The following COL25A1 variants were observed in gnomAD, a reference collection of about 807,000 sequenced individuals.
COL25A1 encodes the protein collagen type XXV alpha 1 chain, also known as collagen alpha-1(XXV) chain.
Under a neutral mutation model 128.4 loss-of-function variants are expected in COL25A1, and 103 were observed. The ratio of observed to expected loss-of-function variants is 0.80; its 90% CI spans 0.68 to 0.94. The LOEUF (loss-of-function observed/expected upper bound fraction) is 0.94. COL25A1 is among the 40% of genes least tolerant of loss of function. COL25A1 has a pLI of 0.00. For synonymous variants in COL25A1, 279 were observed against 277.2 expected (o/e 1.01, Z -0.06); for missense variants, 745 against 840.0 (o/e 0.89, Z 1.40).
chr4:109,169,623 GC>G, intron 3 of COL25A1, among the ~76,000 whole-genome samples: 1 of 152,210 alleles, frequency 6.6e-6, no homozygotes, highest in East Asian at 1.9e-4. Context: ...CTCTACTGCA[GC>G]CCTAGAAATT....
intron 3 of COL25A1, among the ~76,000 whole-genome samples, chr4:109,145,752 A>T (rs1209804803): frequency 6.6e-6 from 1 of 152,218 alleles, no homozygotes; most frequent in Non-Finnish European, 1.5e-5. Context: ...GAAGCAGGAG[A>T]ATCACTTGAA....
At chr4:108,932,147 T>G (rs1169899216) in intron 11 of COL25A1, among the ~76,000 whole-genome samples, 4 of 152,166 alleles carry the variant, frequency 2.6e-5, no homozygotes, top group East Asian at 1.9e-4. Flanking sequence ...CTGATCAAGA[T>G]AGCAGGCAGA....
chr4:109,197,195 G>A (rs568590359), intron 3 of COL25A1, among the ~76,000 whole-genome samples: 51 of 149,786 alleles, frequency 3.4e-4, no homozygotes, highest in South Asian at 1.3e-3. Context: ...GTGTGGCGGT[G>A]CATGCCTCTA....
At chr4:109,071,246 G>A (rs1762947709) in intron 3 of COL25A1, among the ~76,000 whole-genome samples, 1 of 152,160 alleles carries the variant, frequency 6.6e-6, no homozygotes, top group Admixed American at 6.5e-5. Flanking sequence ...CTAGCCATAT[G>A]GAGAAAGCTG....
intron 3 of COL25A1, among the ~76,000 whole-genome samples, chr4:109,242,995 TA>T (rs1780003328): frequency 6.6e-6 from 1 of 152,132 alleles, no homozygotes; most frequent in African/African-American, 2.4e-5. Flanking sequence ...CTGGACATTA[TA>T]TCTCCAGACT....
In COL25A1 at chr4:109,127,792, C is replaced by A. The variant is rs140983986; in HGVS notation, c.368-77613G>T. On this transcript the variant is annotated intron_variant, in intron 3 of 37. Transcript: ENST00000399132. ...TGAGACAACGAACCTCGGGTAGTTA[C>A]CCCAGACAAGGACGCTGCTTTGCGA... Among the ~76,000 whole-genome samples, 174 of 152,212 alleles carry A rather than the reference C, an allele frequency of 1.1e-3. 1 individual carries two copies. The highest frequency in any genetic ancestry group is 4.1e-3 in the African/African-American group (170 of 41,540).
rs1747019226 is a variant in COL25A1, at chr4:108,933,582, C to A, written c.708+4226G>T. ...TCAACTATTCTTAGCCCTTACATTT[C>A]TTAGAGCAGCCTTTCTGTATGCCAA... On this transcript the variant is annotated intron_variant, in intron 11 of 37. Transcript: ENST00000399132. 1.3e-5 allele frequency among the ~76,000 whole-genome samples: 2 copies of A among 152,104 alleles called. 1 individual carries two copies. The highest frequency in any genetic ancestry group is 4.2e-4 in the South Asian group (2 of 4,814).
At chr4:108,874,936 T>C (rs1002054046) in intron 19 of COL25A1, among the ~76,000 whole-genome samples, 2 of 152,172 alleles carry the variant, frequency 1.3e-5, no homozygotes, top group African/African-American at 4.8e-5. Context: ...TATTCCACAT[T>C]CTCCATCTCT....
chr4:109,288,684 T>C (rs894474394), intron 3 of COL25A1, among the ~76,000 whole-genome samples: 2 of 152,070 alleles, frequency 1.3e-5, no homozygotes, highest in African/African-American at 4.8e-5. Flanking sequence ...AAGCAGTGTC[T>C]TCCAAAGTGG....
Position 108,942,279 on chromosome 4 carries a change from A to G in COL25A1, c.493-842T>C, listed in dbSNP as rs945295111. ...GAAGCCTGGCAGGCCCTATGGACAT[A>G]GCACAGCACCAAAACAACACGACAT... On this transcript the variant is annotated intron_variant, in intron 8 of 37. Transcript: ENST00000399132. 3.2e-6 allele frequency: 5 copies of G among 1,549,946 alleles called. No individual in the cohort carries two copies. In the East Asian group the frequency reaches 7.3e-5, roughly 23 times the overall value.
intron 3 of COL25A1, among the ~76,000 whole-genome samples, chr4:109,170,767 TCATC>T (rs1773511513): frequency 6.6e-6 from 1 of 152,148 alleles, no homozygotes; most frequent in South Asian, 2.1e-4. Context: ...AGCTTAGGTG[TCATC>T]CAAAGTTTTT....
intron 3 of COL25A1, among the ~76,000 whole-genome samples, chr4:109,219,715 A>G (rs1416890884): frequency 6.6e-6 from 1 of 152,202 alleles, no homozygotes; most frequent in African/African-American, 2.4e-5. Context: ...TTGTTGACTA[A>G]TGCCTGAAGG....
intron 5 of COL25A1, among the ~76,000 whole-genome samples, chr4:109,011,418 T>C (rs778839050): frequency 8.6e-6 from 1 of 115,792 alleles, no homozygotes; most frequent in Non-Finnish European, 1.6e-5. Flanking sequence ...TGCCTGAAAA[T>C]GTAGTTGGCA....
chr4:109,074,153 T>C (rs946480956), intron 3 of COL25A1, among the ~76,000 whole-genome samples: 3 of 152,092 alleles, frequency 2.0e-5, no homozygotes, highest in African/African-American at 7.2e-5. Flanking sequence ...GGATTCCCGC[T>C]CCTATAAGAA....
intron 3 of COL25A1, among the ~76,000 whole-genome samples, chr4:109,114,926 A>G (rs1444023833): frequency 6.6e-6 from 1 of 152,122 alleles, no homozygotes; most frequent in East Asian, 1.9e-4. Flanking sequence ...GAACAGCTTC[A>G]ATAAAGTATT....
At chr4:108,936,825 T>TATATATATATA (rs1553973426) in intron 11 of COL25A1, among the ~76,000 whole-genome samples, 1 of 93,216 alleles carries the variant, frequency 1.1e-5, no homozygotes, top group Non-Finnish European at 2.5e-5. Context: ...ATATATATAT[T>TATATATATATA]TAGAGACAGG....
intron 3 of COL25A1, among the ~76,000 whole-genome samples, chr4:109,261,029 T>C (rs916598823): frequency 1.1e-4 from 17 of 152,176 alleles, no homozygotes; most frequent in African/African-American, 3.9e-4. Context: ...ACAAGGGATA[T>C]TTCTGATAAA....
chr4:109,285,825 C>T (rs949051759), intron 3 of COL25A1, among the ~76,000 whole-genome samples: 26 of 152,134 alleles, frequency 1.7e-4, no homozygotes, highest in African/African-American at 5.8e-4. Context: ...CTTGCAAATG[C>T]TACAAATCAG....
intron 8 of COL25A1, among the ~76,000 whole-genome samples, chr4:108,966,252 T>A (rs1751280896): frequency 8.0e-6 from 1 of 124,494 alleles, no homozygotes; most frequent in Admixed American, 9.5e-5. Flanking sequence ...TGGCCATTCA[T>A]CCATTCATAT....
Sources: gnomAD v4.1 joint callset for allele counts (sites outside exome capture counted in the v4.1 genomes callset) on GRCh38, gnomAD v4.1.1 for gene constraint, MANE v1.5 for transcripts, NCBI Gene and HGNC (gene_info 2026-07-23, HGNC 2026-07-21) for gene names.